Variants in ATP2C2 observed in about 807,000 individuals in gnomAD.
The protein encoded by ATP2C2 is calcium-transporting ATPase type 2C member 2.
In ATP2C2, 171 loss-of-function variants were observed where a neutral mutation model predicts 110.8. The observed-to-expected ratio is 1.54, with a 90% confidence interval of 1.36 to 1.75. The LOEUF (loss-of-function observed/expected upper bound fraction) is 1.75, where lower values mean the gene tolerates loss of function less well. ATP2C2 is among the 40% of genes most tolerant of loss of function. The pLI is 0.00. For missense variants in ATP2C2, 1,963 were observed against 1,235.0 expected (o/e 1.59, Z -8.84); for synonymous variants, 804 against 508.4 (o/e 1.58, Z -7.82).
intron 1 of ATP2C2, among the ~76,000 whole-genome samples, chr16:84,377,136 GAGTAGTGGAAGCCGTGTGCTAAGTCTT>G (rs1256870867): frequency 1.1e-4 from 17 of 151,902 alleles, no homozygotes; most frequent in Non-Finnish European, 2.2e-4. Flanking sequence ...AAGTCTCAGC[GAGTAGTGGAAGCCGTGTGCTAAGTCTT>G]AGTAGTGGAA....
intron 14 of ATP2C2, 123 bp downstream of exon 14, chr16:84,441,081 G>A (rs1597841965): frequency 1.2e-6 from 1 of 846,128 alleles, no homozygotes; most frequent in East Asian, 2.6e-5. Flanking sequence ...CCATCCAGGG[G>A]TGAGGCTGGC....
chr16:84,368,802 G>C, intron 1 of ATP2C2, 88 bp downstream of exon 1: 1 of 1,167,218 alleles, frequency 8.6e-7, no homozygotes, highest in Non-Finnish European at 1.2e-6. Flanking sequence ...CCCCGCGTTC[G>C]CGCTGCGATC....
intron 25 of ATP2C2, 65 bp from the exon 26 acceptor site, chr16:84,461,923 A>C: frequency 6.2e-7 from 1 of 1,607,308 alleles, no homozygotes; most frequent in Non-Finnish European, 8.5e-7. Flanking sequence ...GGGCAGTCAG[A>C]GCTCCCCTGC....
At position 84,459,169 on chromosome 16, in the gene ATP2C2, G is replaced by A; in HGVS notation, c.2197G>A (p.Val733Ile). Residue 733 changes from valine (V) to isoleucine (I), a missense_variant, in exon 22 of 27, where the codon GTC (valine) becomes ATC (isoleucine). Physicochemically the swap from Val to Ile is conservative, Grantham distance 29. Coordinates refer to ENST00000262429, the MANE Select transcript of ATP2C2 (RefSeq NM_014861.4). ...KGIFYNIKNF[V>I]RFQLSTSISA... The stretch of plus-strand genomic sequence containing the variant: ...TATTTTTTACAACATCAAAAACTTT[G>A]TCCGATTCCAGCTGAGCACGTAAGT... The A allele has an allele frequency of 6.2e-7, 1 of 1,614,150 alleles. No individual in the cohort carries two copies. Among genetic ancestry groups the A allele is most frequent in the African/African-American group, 1.3e-5 (1 of 75,044 alleles).
chr16:84,433,197 T>C (rs146751224), intron 11 of ATP2C2, among the ~76,000 whole-genome samples: 2 of 151,834 alleles, frequency 1.3e-5, no homozygotes, highest in East Asian at 3.9e-4. Context: ...CTAGACAACA[T>C]AGTGAGACTG....
chr16:84,433,521 C>T (rs1228101116), intron 11 of ATP2C2, among the ~76,000 whole-genome samples: 3 of 151,920 alleles, frequency 2.0e-5, no homozygotes, highest in South Asian at 2.1e-4. Flanking sequence ...GGCATGGTGG[C>T]GTATGCCTGT....
At chr16:84,447,382 TATGAC>T (rs1415457244) in intron 16 of ATP2C2, among the ~76,000 whole-genome samples, 19 of 152,054 alleles carry the variant, frequency 1.2e-4, no homozygotes, top group African/African-American at 4.6e-4. Flanking sequence ...AGTATAGAAA[TATGAC>T]ATAAAAATGA....
At position 84,410,622 on chromosome 16, in the gene ATP2C2, C is replaced by T; in HGVS notation, c.453+19C>T. The T allele has an allele frequency of 6.2e-7, 1 of 1,613,974 alleles. No homozygotes were observed. The highest frequency in any genetic ancestry group is 8.5e-7 in the Non-Finnish European group (1 of 1,179,940). Reference sequence around the variant, plus strand: ...CATCCAGGTGAGTATTTCCTGAGGTCCCAGTCAGGGTAAGCTGGGCGGGAC... The same window carrying T: ...CATCCAGGTGAGTATTTCCTGAGGTTCCAGTCAGGGTAAGCTGGGCGGGAC... On this transcript the variant is annotated intron_variant, in intron 5 of 26. Transcript: ENST00000262429.
chr16:84,371,052 GGTCA>G (rs1000665717), intron 1 of ATP2C2, among the ~76,000 whole-genome samples: 3 of 152,186 alleles, frequency 2.0e-5, no homozygotes, highest in Non-Finnish European at 4.4e-5. Flanking sequence ...GGAGGCCAAT[GGTCA>G]GCTGAGAAAC....
intron 6 of ATP2C2, among the ~76,000 whole-genome samples, 192 bp from the exon 7 acceptor site, chr16:84,415,291 C>T (rs1425626457): frequency 6.6e-6 from 1 of 152,114 alleles, no homozygotes; most frequent in East Asian, 1.9e-4. Context: ...CCCAGGGATG[C>T]CCAGAAACCA....
chr16:84,406,943 G>C (rs963798293), intron 3 of ATP2C2, among the ~76,000 whole-genome samples: 1 of 151,974 alleles, frequency 6.6e-6, no homozygotes, highest in Non-Finnish European at 1.5e-5. Context: ...CTCCAGCCAG[G>C]GTGTTCCCCA....
Position 84,459,127 on chromosome 16 carries a change from G to A in ATP2C2, c.2155G>A (p.Val719Met). 1 of 1,614,142 alleles carries A rather than the reference G, an allele frequency of 6.2e-7. No homozygotes were observed. Among genetic ancestry groups the A allele is most frequent in the South Asian group, 1.1e-5 (1 of 91,090 alleles). The change falls in exon 22 of 27, where the codon GTG becomes ATG. Residue 719 changes from valine (V) to methionine (M), a missense_variant. Transcript: ENST00000262429. ...DDDFSAIMNA[V>M]EEGKGIFYNI... ...GGCTCTCTTCTCTTGCAGGAATGCA[G>A]TGGAGGAAGGCAAGGGTATTTTTTA...
intron 6 of ATP2C2, among the ~76,000 whole-genome samples, chr16:84,414,263 A>G (rs1906638122): frequency 6.6e-6 from 1 of 152,212 alleles, no homozygotes; most frequent in Non-Finnish European, 1.5e-5. Flanking sequence ...ATATTGTCTC[A>G]TAGCCAGGGA....
At chr16:84,403,902 G>C (rs1905521928) in intron 2 of ATP2C2, among the ~76,000 whole-genome samples, 1 of 152,152 alleles carries the variant, frequency 6.6e-6, no homozygotes, top group Non-Finnish European at 1.5e-5. Context: ...TGTTGACAAG[G>C]CTGCTCTCGA....
In ATP2C2 at chr16:84,402,475, C is replaced by T. The variant is rs188782041; in HGVS notation, c.211-2653C>T. 2.6e-5 allele frequency among the ~76,000 whole-genome samples: 4 copies of T among 152,178 alleles called. No homozygotes were observed. The East Asian group carries it at 7.7e-4, about 29-fold the overall frequency. On this transcript the variant is annotated intron_variant, in intron 2 of 26. Coordinates refer to ENST00000262429, the MANE Select transcript of ATP2C2 (RefSeq NM_014861.4). ...GGCTTTTATTACATTGAGACATGTT[C>T]CTTCTATACCTAGTTTTTTTAGGGT...
rs149428956 is a variant in ATP2C2, at chr16:84,377,733, T to TG, written c.99+9026dup. 2.7e-3 allele frequency among the ~76,000 whole-genome samples: 407 copies of TG among 151,972 alleles called. 2 individuals carry two copies. Among genetic ancestry groups the TG allele is most frequent in the African/African-American group, 9.3e-3 (386 of 41,458 alleles). Reference sequence around the variant, plus strand: ...GTTTAGGGCTTTAGCCTGGGAATGGTGGGGGGGTTGGACAACTCAGTCCAA... The same window carrying TG: ...GTTTAGGGCTTTAGCCTGGGAATGGTGGGGGGGGTTGGACAACTCAGTCCAA... On this transcript the variant is annotated intron_variant, in intron 1 of 26. Coordinates refer to ENST00000262429, the MANE Select transcript of ATP2C2 (RefSeq NM_014861.4).
At chr16:84,370,291 A>T (rs1376439207) in intron 1 of ATP2C2, among the ~76,000 whole-genome samples, 1 of 152,096 alleles carries the variant, frequency 6.6e-6, no homozygotes, top group African/African-American at 2.4e-5. Context: ...CTGGCTGTGG[A>T]CCGGGGTGCT....
intron 1 of ATP2C2, among the ~76,000 whole-genome samples, chr16:84,378,806 G>C (rs1305445640): frequency 6.6e-6 from 1 of 152,216 alleles, no homozygotes; most frequent in Admixed American, 6.5e-5. Context: ...GCAAAGTGCA[G>C]GCTGCCGTGG....
chr16:84,416,121 C>T lies in ATP2C2; in HGVS notation c.624+530C>T, dbSNP rs144134656. Among the ~76,000 whole-genome samples the T allele has an allele frequency of 6.9e-3, 1,052 of 152,306 alleles. 6 individuals carry two copies. Among genetic ancestry groups the T allele is most frequent in the African/African-American group, 0.024 (1,003 of 41,582 alleles). Reference sequence around the variant, plus strand: ...CCCGGGAGGCGGAGGTTGCAGTGAGCCGAGACCACGCCACTGCACTCTAGC... The same window carrying T: ...CCCGGGAGGCGGAGGTTGCAGTGAGTCGAGACCACGCCACTGCACTCTAGC... On this transcript the variant is annotated intron_variant, in intron 7 of 26. Coordinates refer to ENST00000262429, the MANE Select transcript of ATP2C2 (RefSeq NM_014861.4).
Sources: allele counts gnomAD v4.1 joint callset (sites outside exome capture counted in the v4.1 genomes callset), GRCh38; gene constraint gnomAD v4.1.1; transcripts MANE v1.5; gene names NCBI Gene and HGNC (gene_info 2026-07-23, HGNC 2026-07-21).